Variants in SPTLC3 observed in about 807,000 individuals in gnomAD.
SPTLC3 encodes serine palmitoyltransferase long chain base subunit 3.
A neutral mutation model predicts 59.3 loss-of-function variants in SPTLC3; 36 were observed. The ratio of observed to expected loss-of-function variants is 0.61; its 90% CI spans 0.47 to 0.80. The LOEUF (loss-of-function observed/expected upper bound fraction) is 0.80, where lower values mean the gene tolerates loss of function less well. Ranked by LOEUF, SPTLC3 falls within the 30% of genes least tolerant of loss-of-function variation. The pLI is 0.00. For synonymous variants in SPTLC3, 257 were observed against 240.8 expected (o/e 1.07, Z -0.62); for missense variants, 625 against 685.1 (o/e 0.91, Z 0.98).
chr20:13,062,266 G>T (rs868557480), intron 2 of SPTLC3, among the ~76,000 whole-genome samples: 1 of 152,286 alleles, frequency 6.6e-6, no homozygotes, highest in Middle Eastern at 3.4e-3. Context: ...GCAAGAAGGG[G>T]CGAAAGTTGT....
intron 4 of SPTLC3, 108 bp from the exon 5 acceptor site, chr20:13,090,975 G>A: frequency 1.4e-6 from 2 of 1,430,514 alleles, no homozygotes; most frequent in Non-Finnish European, 1.9e-6. Context: ...CCTGCTACAA[G>A]CACTCTTGTA....
chr20:13,125,554 T>C (rs1175828882), intron 8 of SPTLC3, among the ~76,000 whole-genome samples: 1 of 152,204 alleles, frequency 6.6e-6, no homozygotes, highest in Non-Finnish European at 1.5e-5. Flanking sequence ...ATCAACAATG[T>C]GGGCTGGGCT....
chr20:13,069,908 C>T (rs6134768), intron 2 of SPTLC3, among the ~76,000 whole-genome samples: 40,698 of 152,050 alleles, frequency 0.27, 5,494 homozygotes, highest in Middle Eastern at 0.33. Flanking sequence ...TACACACCTA[C>T]TGCTCTCTTT....
intron 1 of SPTLC3, among the ~76,000 whole-genome samples, chr20:13,035,333 A>C (rs1392974378): frequency 2.0e-5 from 3 of 152,182 alleles, no homozygotes; most frequent in Non-Finnish European, 4.4e-5. Context: ...GTTGTCCTAC[A>C]TATTGGTAGA....
chr20:13,126,049 A>G (rs1300992898), intron 8 of SPTLC3, among the ~76,000 whole-genome samples: 1 of 151,738 alleles, frequency 6.6e-6, no homozygotes, highest in Non-Finnish European at 1.5e-5. Context: ...AATTATCTTC[A>G]TTCTTCAAGG....
chr20:13,027,218 C>G (rs1020662364), intron 1 of SPTLC3, among the ~76,000 whole-genome samples: 1 of 152,188 alleles, frequency 6.6e-6, no homozygotes, highest in Non-Finnish European at 1.5e-5. Flanking sequence ...AAAATTAAGA[C>G]AGTGATTTTT....
chr20:13,165,041 G>A lies in SPTLC3; in HGVS notation c.*174G>A, dbSNP rs1039619731. Reference sequence around the variant, plus strand: ...TTTAATGTCTCCAGCTTGGACTGCAGAGACAAAAACATGATTCCAGATTTA... The same window carrying A: ...TTTAATGTCTCCAGCTTGGACTGCAAAGACAAAAACATGATTCCAGATTTA... On this transcript the variant is annotated 3_prime_UTR_variant, in exon 12 of 12. Coordinates refer to ENST00000399002, the MANE Select transcript of SPTLC3 (RefSeq NM_018327.4). 9.2e-5 allele frequency: 51 copies of A among 556,656 alleles called. No individual in the cohort carries two copies. The highest frequency in any genetic ancestry group is 1.3e-4 in the Non-Finnish European group (42 of 314,432). 34.5% of individuals were successfully genotyped at this position (556,656 alleles called of 1,614,324 possible). A position where few individuals can be genotyped will look rare whatever the true frequency, so the allele number is the denominator to read the frequency against.
At chr20:13,074,000 G>T (rs950830373) in intron 3 of SPTLC3, 2 of 617,232 alleles carry the variant, frequency 3.2e-6, no homozygotes, top group Non-Finnish European at 6.3e-6. Flanking sequence ...ATGAATATCG[G>T]AGATAGTCCT....
chr20:13,013,074 A>G (rs1245427622), intron 1 of SPTLC3, among the ~76,000 whole-genome samples: 17 of 152,222 alleles, frequency 1.1e-4, no homozygotes, highest in Admixed American at 9.2e-4. Flanking sequence ...ACTTTTCTCA[A>G]TTCAGTGAGC....
intron 11 of SPTLC3, among the ~76,000 whole-genome samples, chr20:13,163,444 C>A (rs1325253185): frequency 6.6e-6 from 1 of 151,672 alleles, no homozygotes; most frequent in Non-Finnish European, 1.5e-5. Flanking sequence ...TCACAGATGC[C>A]CCAAATGTGC....
chr20:13,150,030 T>C (rs985878470), intron 9 of SPTLC3, among the ~76,000 whole-genome samples: 1 of 152,204 alleles, frequency 6.6e-6, no homozygotes, highest in African/African-American at 2.4e-5. Flanking sequence ...GCAAAAGTGC[T>C]GAATGCACAC....
intron 6 of SPTLC3, among the ~76,000 whole-genome samples, chr20:13,094,916 C>T (rs1156413015): frequency 6.6e-6 from 1 of 152,192 alleles, no homozygotes; most frequent in African/African-American, 2.4e-5. Flanking sequence ...TCAAAATACA[C>T]TGACCTCATT....
In SPTLC3 at chr20:13,124,433, G is replaced by A. The variant is rs139788252; in HGVS notation, c.1153-2158G>A. Among the ~76,000 whole-genome samples the A allele has an allele frequency of 3.7e-3, 564 of 151,908 alleles. 7 individuals are homozygous for A. Among genetic ancestry groups the A allele is most frequent in the African/African-American group, 0.012 (498 of 41,396 alleles). On this transcript the variant is annotated intron_variant, in intron 8 of 11. Coordinates refer to ENST00000399002, the MANE Select transcript of SPTLC3 (RefSeq NM_018327.4). ...AGAAACAGATTTAAATAAAGAATTTGAAATGAAAAGAGAGAGAACTAGAGT... is the reference window on the plus strand; with the variant it reads ...AGAAACAGATTTAAATAAAGAATTTAAAATGAAAAGAGAGAGAACTAGAGT...
intron 1 of SPTLC3, among the ~76,000 whole-genome samples, chr20:13,020,364 A>AG (rs1188350056): frequency 2.9e-4 from 43 of 149,862 alleles, no homozygotes; most frequent in Non-Finnish European, 5.7e-4. Flanking sequence ...AAAAAAGAAA[A>AG]AAAAGAAAAT....
chr20:13,164,021 A>C (rs2038947938), intron 11 of SPTLC3, among the ~76,000 whole-genome samples: 1 of 152,120 alleles, frequency 6.6e-6, no homozygotes, highest in African/African-American at 2.4e-5. Context: ...GTCATTTAGC[A>C]TTAGGTATAT....
intron 6 of SPTLC3, among the ~76,000 whole-genome samples, chr20:13,097,500 A>G (rs1463703585): frequency 6.6e-6 from 1 of 152,114 alleles, no homozygotes; most frequent in Non-Finnish European, 1.5e-5. Flanking sequence ...AAAAATAATA[A>G]TTCTGAAGAT....
chr20:13,012,351 T>A (rs942456558), intron 1 of SPTLC3, among the ~76,000 whole-genome samples: 7 of 152,326 alleles, frequency 4.6e-5, no homozygotes, highest in Non-Finnish European at 1.0e-4. Context: ...AGGTATAGGT[T>A]ATGAGCCCTA....
chr20:13,091,256 T>G, intron 5 of SPTLC3, 49 bp downstream of exon 5: 1 of 1,595,010 alleles, frequency 6.3e-7, no homozygotes, highest in Non-Finnish European at 8.6e-7. Context: ...TCCTAAGAAC[T>G]GTAACTCTGA....
intron 10 of SPTLC3, 98 bp downstream of exon 10, chr20:13,154,236 G>A (rs773163546): frequency 1.8e-4 from 266 of 1,481,852 alleles, no homozygotes; most frequent in Non-Finnish European, 2.4e-4. Flanking sequence ...GGAATGGGGT[G>A]AGTGAGTTCA....
Sources: gnomAD v4.1 joint callset for allele counts (sites outside exome capture counted in the v4.1 genomes callset) on GRCh38, gnomAD v4.1.1 for gene constraint, MANE v1.5 for transcripts, NCBI Gene and HGNC (gene_info 2026-07-23, HGNC 2026-07-21) for gene names.